ME3: variants seen among roughly 807,000 people sequenced by gnomAD.
ME3 encodes malic enzyme 3, also known as NADP-dependent malic enzyme, mitochondrial.
A neutral mutation model predicts 68.9 loss-of-function variants in ME3; 48 were observed. The ratio of observed to expected loss-of-function variants is 0.70; its 90% CI spans 0.55 to 0.89. The LOEUF (loss-of-function observed/expected upper bound fraction) is 0.89, where lower values mean the gene tolerates loss of function less well. ME3 is among the 40% of genes least tolerant of loss of function. The probability of loss-of-function intolerance (pLI) is 0.00; values close to 1 mark genes in which losing one functional copy is unlikely to be tolerated. For synonymous variants in ME3, 320 were observed against 318.8 expected, an observed-to-expected ratio of 1.00 and a Z score of -0.04; for missense variants, 675 against 797.4, an observed-to-expected ratio of 0.85 and a Z score of 1.85.
intron 7 of ME3, among the ~76,000 whole-genome samples, chr11:86,475,220 C>A (rs583594): frequency 6.6e-6 from 1 of 151,946 alleles, no homozygotes; most frequent in Non-Finnish European, 1.5e-5. Context: ...TACCATCCCT[C>A]TGGGTACTGT....
At position 86,627,064 on chromosome 11, in the gene ME3, G is replaced by A. The variant is rs575470129; in HGVS notation, c.183+44698C>T. On this transcript the variant is annotated intron_variant, in intron 2 of 14. Transcript: ENST00000543262. ...AAAGTAGGTGTATAAATGCCCTGCAGTAGAAGGAAACAAGGCTCACTTAAG... is the reference window on the plus strand; with the variant it reads ...AAAGTAGGTGTATAAATGCCCTGCAATAGAAGGAAACAAGGCTCACTTAAG... 2.6e-5 allele frequency among the ~76,000 whole-genome samples: 4 copies of A among 152,332 alleles called. No individual in the cohort carries two copies. In the South Asian group the frequency reaches 8.3e-4, roughly 32 times the overall value.
intron 8 of ME3, 118 bp from the exon 9 acceptor site, chr11:86,450,516 C>T (rs1949570674): frequency 1.4e-6 from 1 of 729,384 alleles, no homozygotes; most frequent in African/African-American, 1.8e-5. Context: ...TTTTCTTAGC[C>T]CTTATGCCCT....
intron 5 of ME3, among the ~76,000 whole-genome samples, chr11:86,507,122 C>T (rs1225350099): frequency 6.6e-6 from 1 of 152,096 alleles, no homozygotes; most frequent in East Asian, 1.9e-4. Flanking sequence ...TAATATCATT[C>T]CCTGGAGAGA....
At chr11:86,623,712 A>C (rs2135279308) in intron 2 of ME3, among the ~76,000 whole-genome samples, 1 of 152,370 alleles carries the variant, frequency 6.6e-6, no homozygotes, top group South Asian at 2.1e-4. Context: ...AGAAATAACA[A>C]CTTAATCCAT....
intron 2 of ME3, among the ~76,000 whole-genome samples, chr11:86,592,951 CCAGT>C (rs1959141543): frequency 6.6e-6 from 1 of 152,104 alleles, no homozygotes; most frequent in South Asian, 2.1e-4. Context: ...TGACTGTGAG[CCAGT>C]TATTTAACCT....
intron 2 of ME3, among the ~76,000 whole-genome samples, chr11:86,628,192 A>G (rs1380840109): frequency 6.6e-6 from 1 of 152,240 alleles, no homozygotes. Context: ...GCCAGTATGT[A>G]GGAGTCAATC....
At chr11:86,506,840 T>C (rs142942310) in intron 5 of ME3, among the ~76,000 whole-genome samples, 88 of 152,352 alleles carry the variant, frequency 5.8e-4, no homozygotes, top group African/African-American at 2.1e-3. Context: ...GTCCATCCAG[T>C]AAGCTGGCTT....
chr11:86,579,119 A>T (rs148279917), intron 2 of ME3, among the ~76,000 whole-genome samples: 57 of 152,274 alleles, frequency 3.7e-4, no homozygotes, highest in Middle Eastern at 3.4e-3. Context: ...ACATTAAGAG[A>T]CTAAATATAT....
chr11:86,456,847 C>T (rs779558014), intron 8 of ME3, among the ~76,000 whole-genome samples: 6 of 152,174 alleles, frequency 3.9e-5, no homozygotes, highest in Admixed American at 1.3e-4. Flanking sequence ...GTGTGCTTAC[C>T]AGCACAGGAT....
At chr11:86,635,384 C>T (rs1207776175) in intron 2 of ME3, among the ~76,000 whole-genome samples, 3 of 152,202 alleles carry the variant, frequency 2.0e-5, no homozygotes, top group African/African-American at 4.8e-5. Context: ...CATGATGGTA[C>T]CCCAATCCTA....
intron 2 of ME3, among the ~76,000 whole-genome samples, chr11:86,570,677 A>T (rs1957739068): frequency 6.6e-6 from 1 of 152,224 alleles, no homozygotes; most frequent in South Asian, 2.1e-4. Flanking sequence ...TATGCTGCTC[A>T]TTACCGCCCA....
chr11:86,574,134 C>T (rs1023222161), intron 2 of ME3, among the ~76,000 whole-genome samples: 1 of 152,128 alleles, frequency 6.6e-6, no homozygotes, highest in Non-Finnish European at 1.5e-5. Flanking sequence ...TTTTAACTTC[C>T]TTCCTTTGGG....
intron 4 of ME3, among the ~76,000 whole-genome samples, chr11:86,544,395 GA>G (rs1341839313): frequency 1.3e-5 from 2 of 152,068 alleles, no homozygotes; most frequent in Non-Finnish European, 2.9e-5. Flanking sequence ...TAACAAAACA[GA>G]TACACTGCTA....
intron 2 of ME3, among the ~76,000 whole-genome samples, chr11:86,663,072 G>T (rs557750322): frequency 2.6e-5 from 4 of 152,328 alleles, no homozygotes; most frequent in African/African-American, 9.6e-5. Flanking sequence ...TACAGAGGAA[G>T]ATGTTTCATG....
In ME3 at chr11:86,461,977, G is replaced by C. The variant is rs56266138; in HGVS notation, c.919+3114C>G. Among the ~76,000 whole-genome samples, 316 of 152,238 alleles carry C rather than the reference G, an allele frequency of 2.1e-3. 1 individual carries two copies. Among genetic ancestry groups the C allele is most frequent in the African/African-American group, 7.2e-3 (300 of 41,536 alleles). ...GGGACCCAGAAAACCATCCCACTTGGTTTTGCCTGGGAGCAAAATTGGCTA... is the reference window on the plus strand; with the variant it reads ...GGGACCCAGAAAACCATCCCACTTGCTTTTGCCTGGGAGCAAAATTGGCTA... On this transcript the variant is annotated intron_variant, in intron 8 of 14. Coordinates refer to ENST00000543262, the Ensembl canonical transcript of ME3.
chr11:86,636,644 A>G (rs1406594453), intron 2 of ME3, among the ~76,000 whole-genome samples: 2 of 152,254 alleles, frequency 1.3e-5, no homozygotes, highest in Non-Finnish European at 2.9e-5. Flanking sequence ...AAAGCAGTCC[A>G]GTAGAACATG....
At chr11:86,450,498 CA>C in intron 8 of ME3, 100 bp from the exon 9 acceptor site, 1 of 947,154 alleles carries the variant, frequency 1.1e-6, no homozygotes, top group Non-Finnish European at 1.6e-6. Context: ...TGTGGAGGAA[CA>C]GGCAACTTTT....
intron 2 of ME3, among the ~76,000 whole-genome samples, chr11:86,587,709 C>T (rs1207931710): frequency 6.6e-6 from 1 of 152,192 alleles, no homozygotes; most frequent in Non-Finnish European, 1.5e-5. Flanking sequence ...TCCTCCCCAC[C>T]TAGCTAGAGA....
intron 2 of ME3, among the ~76,000 whole-genome samples, chr11:86,561,266 C>T (rs915576534): frequency 1.3e-5 from 2 of 152,028 alleles, no homozygotes; most frequent in Non-Finnish European, 2.9e-5. Flanking sequence ...ACAAGATGCT[C>T]CAGGTTCATC....
Sources: allele counts gnomAD v4.1 joint callset (sites outside exome capture counted in the v4.1 genomes callset), GRCh38; gene constraint gnomAD v4.1.1; transcripts MANE v1.5; gene names NCBI Gene and HGNC (gene_info 2026-07-23, HGNC 2026-07-21).